The following RAD51B variants were observed in gnomAD, a reference collection of about 807,000 sequenced individuals.
RAD51B encodes the protein RAD51 paralog B.
In RAD51B, 38 loss-of-function variants were observed where a neutral mutation model predicts 42.2. That is an observed-to-expected ratio of 0.90 (90% confidence interval 0.70 to 1.18). RAD51B has a LOEUF of 1.18. Among genes scored for constraint, RAD51B ranks in the 50% most tolerant of loss-of-function variants. The pLI, the probability that RAD51B is intolerant of heterozygous loss-of-function variation, is 0.00. For synonymous variants in RAD51B, 154 were observed against 145.2 expected (o/e 1.06, Z -0.43); for missense variants, 373 against 400.7 (o/e 0.93, Z 0.59).
At position 68,540,485 on chromosome 14, in the gene RAD51B, T is replaced by G. The variant is rs144113046; in HGVS notation, c.1037-54000T>G. 606 of 985,364 alleles carry G rather than the reference T, an allele frequency of 6.2e-4. 4 individuals are homozygous for G. The African/African-American group carries it at 1.0e-2, about 16-fold the overall frequency. 61.0% of individuals were successfully genotyped at this position (985,364 alleles called of 1,614,324 possible). ...CTTCATGTGGAAATGAGAGACTTAT[T>G]TATTGCTCAGCTTGTTCCCTCATTT... On this transcript the variant is annotated intron_variant, in intron 10 of 10. Transcript: ENST00000487270.
downstream of RAD51B, among the ~76,000 whole-genome samples, chr14:68,613,745 T>C (rs1195932110): frequency 2.0e-5 from 3 of 152,198 alleles, no homozygotes; most frequent in East Asian, 1.9e-4. Context: ...TGAGCCACCC[T>C]GCCTGGCCAG....
chr14:68,431,278 G>A (rs1015452097), intron 9 of RAD51B, among the ~76,000 whole-genome samples: 7 of 152,180 alleles, frequency 4.6e-5, no homozygotes, highest in Non-Finnish European at 8.8e-5. Context: ...AATGAGTTAG[G>A]GAGGATTCCC....
intron 8 of RAD51B, chr14:68,338,851 A>AGTTG (rs1271553478): frequency 1.6e-6 from 1 of 613,074 alleles, no homozygotes; most frequent in Non-Finnish European, 3.1e-6. Flanking sequence ...TATCTGTCGT[A>AGTTG]GTTGGTCCTG....
chr14:68,629,454 G>A (rs1008725674), intron 10 of RAD51B, among the ~76,000 whole-genome samples: 2 of 152,224 alleles, frequency 1.3e-5, no homozygotes, highest in Non-Finnish European at 2.9e-5. Flanking sequence ...GACACAAAAT[G>A]TGGGCGTTAG....
intron 7 of RAD51B, among the ~76,000 whole-genome samples, chr14:68,250,086 G>C (rs767193130): frequency 6.6e-6 from 1 of 152,130 alleles, no homozygotes; most frequent in Non-Finnish European, 1.5e-5. Flanking sequence ...TAAATGTGTT[G>C]CACAAAGTAA....
intron 7 of RAD51B, among the ~76,000 whole-genome samples, chr14:68,028,636 C>T (rs911333764): frequency 6.6e-6 from 1 of 152,186 alleles, no homozygotes; most frequent in Non-Finnish European, 1.5e-5. Context: ...GAAGTGCTCC[C>T]AGGCTGCTGG....
intron 10 of RAD51B, among the ~76,000 whole-genome samples, chr14:68,507,306 A>T (rs541530237): frequency 3.9e-5 from 6 of 151,946 alleles, no homozygotes; most frequent in Non-Finnish European, 8.8e-5. Context: ...TGGGTTTGAA[A>T]CGCATCTGGC....
chr14:67,893,473 C>G (rs866242392), intron 7 of RAD51B, among the ~76,000 whole-genome samples: 32 of 40,092 alleles, frequency 8.0e-4, no homozygotes, highest in Middle Eastern at 0.02. Flanking sequence ...CACAGACACA[C>G]ACACACACAC....
At chr14:68,347,498 G>A (rs965522272) in intron 8 of RAD51B, among the ~76,000 whole-genome samples, 2 of 152,154 alleles carry the variant, frequency 1.3e-5, no homozygotes, top group African/African-American at 2.4e-5. Context: ...CCTGAGCGAC[G>A]TAGTAGGGAC....
At chr14:68,619,535 G>T (rs1891901108) in intron 10 of RAD51B, among the ~76,000 whole-genome samples, 1 of 151,912 alleles carries the variant, frequency 6.6e-6, no homozygotes, top group African/African-American at 2.4e-5. Flanking sequence ...AGTTTTAAAA[G>T]GTTAGTCCTA....
intron 8 of RAD51B, among the ~76,000 whole-genome samples, chr14:68,375,285 G>A (rs1380181569): frequency 3.3e-5 from 5 of 152,078 alleles, no homozygotes; most frequent in Admixed American, 1.3e-4. Flanking sequence ...GGGTGGGTGA[G>A]GTGGGGGAGC....
intron 10 of RAD51B, among the ~76,000 whole-genome samples, chr14:68,573,244 A>G (rs995230267): frequency 1.3e-5 from 2 of 152,090 alleles, no homozygotes; most frequent in Non-Finnish European, 2.9e-5. Flanking sequence ...TGTGGCCCAC[A>G]GGCCCACGTG....
intron 8 of RAD51B, among the ~76,000 whole-genome samples, chr14:68,292,483 G>A (rs2081535500): frequency 6.6e-6 from 1 of 152,228 alleles, no homozygotes; most frequent in Non-Finnish European, 1.5e-5. Flanking sequence ...GCAAAGGTCA[G>A]GCTGGCTATG....
intron 7 of RAD51B, among the ~76,000 whole-genome samples, chr14:68,271,890 T>G (rs1222182857): frequency 6.6e-6 from 1 of 152,236 alleles, no homozygotes; most frequent in Non-Finnish European, 1.5e-5. Flanking sequence ...ACAACTTTAT[T>G]AGAACTCTGG....
intron 7 of RAD51B, among the ~76,000 whole-genome samples, chr14:67,936,313 G>T (rs1438847509): frequency 6.6e-6 from 1 of 152,104 alleles, no homozygotes; most frequent in African/African-American, 2.4e-5. Context: ...AGATTTGCCT[G>T]TTATGGACAT....
At chr14:68,052,809 T>C (rs1181685665) in intron 7 of RAD51B, among the ~76,000 whole-genome samples, 3 of 151,022 alleles carry the variant, frequency 2.0e-5, no homozygotes, top group Non-Finnish European at 4.4e-5. Context: ...TTTTTTTTTT[T>C]CTTTTGTAGA....
chr14:68,670,087 A>G (rs1893123492), intron 11 of RAD51B, among the ~76,000 whole-genome samples: 1 of 152,232 alleles, frequency 6.6e-6, no homozygotes, highest in Admixed American at 6.5e-5. Flanking sequence ...CGCTGCCGAG[A>G]GAACCGTCCC....
intron 8 of RAD51B, among the ~76,000 whole-genome samples, chr14:68,317,740 T>G (rs1363720736): frequency 6.6e-6 from 1 of 152,120 alleles, no homozygotes; most frequent in African/African-American, 2.4e-5. Flanking sequence ...AAGGGAAGAA[T>G]TGCATTTGAG....
intron 8 of RAD51B, among the ~76,000 whole-genome samples, chr14:68,363,893 A>T (rs1300057893): frequency 6.6e-6 from 1 of 152,212 alleles, no homozygotes; most frequent in African/African-American, 2.4e-5. Context: ...ATTGCAGAGA[A>T]GGGGCCACAT....
Sources: allele counts gnomAD v4.1 joint callset (sites outside exome capture counted in the v4.1 genomes callset), GRCh38; gene constraint gnomAD v4.1.1; transcripts MANE v1.5; gene names NCBI Gene and HGNC (gene_info 2026-07-23, HGNC 2026-07-21).